LRFN5: variants seen among roughly 807,000 people sequenced by gnomAD.
LRFN5 encodes leucine rich repeat and fibronectin type III domain containing 5.
Under a neutral mutation model 45.6 loss-of-function variants are expected in LRFN5, and 24 were observed. The ratio of observed to expected loss-of-function variants is 0.53; its 90% CI spans 0.38 to 0.74. The LOEUF (loss-of-function observed/expected upper bound fraction) is 0.74. Among genes scored for constraint, LRFN5 ranks in the 30% least tolerant of loss-of-function variants. The pLI is 0.00. For missense variants in LRFN5, 776 were observed against 861.5 expected (o/e 0.90, Z 1.24); for synonymous variants, 340 against 313.8 (o/e 1.08, Z -0.88).
chr14:41,690,823 A>C (rs1882347399), intron 1 of LRFN5, among the ~76,000 whole-genome samples: 1 of 152,090 alleles, frequency 6.6e-6, no homozygotes, highest in Non-Finnish European at 1.5e-5. Flanking sequence ...AGACATTCAG[A>C]TTGTTTATTT....
intron 1 of LRFN5, among the ~76,000 whole-genome samples, chr14:41,754,443 G>A (rs1337655292): frequency 2.0e-5 from 3 of 152,084 alleles, no homozygotes; most frequent in Admixed American, 6.6e-5. Context: ...CAATTTCAGA[G>A]CTTGTTATTG....
At chr14:41,633,401 T>C (rs1374509049) in intron 1 of LRFN5, among the ~76,000 whole-genome samples, 1 of 152,154 alleles carries the variant, frequency 6.6e-6, no homozygotes, top group East Asian at 1.9e-4. Flanking sequence ...TTTAAATAAT[T>C]AATATGCATT....
chr14:41,750,803 C>T (rs1885099043), intron 1 of LRFN5, among the ~76,000 whole-genome samples: 1 of 152,080 alleles, frequency 6.6e-6, no homozygotes, highest in Non-Finnish European at 1.5e-5. Flanking sequence ...GAAGAGAGCA[C>T]ACAGGGGAAA....
intron 1 of LRFN5, among the ~76,000 whole-genome samples, chr14:41,668,287 T>A (rs1881001628): frequency 6.6e-6 from 1 of 152,160 alleles, no homozygotes; most frequent in East Asian, 1.9e-4. Flanking sequence ...GCCTCTTTTA[T>A]ATTTATTTTT....
At chr14:41,629,455 A>G (rs981175962) in intron 1 of LRFN5, among the ~76,000 whole-genome samples, 1 of 152,206 alleles carries the variant, frequency 6.6e-6, no homozygotes, top group African/African-American at 2.4e-5. Context: ...ACACTAAGAT[A>G]TTCAAAGTTT....
chr14:41,687,731 A>G (rs1376152458), intron 1 of LRFN5, among the ~76,000 whole-genome samples: 3 of 152,114 alleles, frequency 2.0e-5, no homozygotes, highest in African/African-American at 7.2e-5. Flanking sequence ...GCAAACTAAC[A>G]AAGGAACAGA....
At position 41,744,312 on chromosome 14, in the gene LRFN5, G is replaced by A. The variant is rs112113999; in HGVS notation, c.-196-22542G>A. On this transcript the variant is annotated intron_variant, in intron 1 of 5. Coordinates refer to ENST00000298119, the MANE Select transcript of LRFN5 (RefSeq NM_152447.5). ...GTTGAAGCTGCAGAGAGCTGGTATC[G>A]TGCCACTTCACTCCCAGCCCGGGTG... 5.7e-4 allele frequency among the ~76,000 whole-genome samples: 87 copies of A among 152,116 alleles called. 1 individual carries two copies. Among genetic ancestry groups the A allele is most frequent in the Middle Eastern group, 6.8e-3 (2 of 294 alleles).
At chr14:41,857,974 C>G (rs996759836) in intron 2 of LRFN5, among the ~76,000 whole-genome samples, 1 of 152,066 alleles carries the variant, frequency 6.6e-6, no homozygotes, top group East Asian at 1.9e-4. Flanking sequence ...AGAGTTCCAA[C>G]AGGGAATGTT....
intron 1 of LRFN5, among the ~76,000 whole-genome samples, chr14:41,642,361 T>C (rs1051240676): frequency 6.6e-6 from 1 of 152,194 alleles, no homozygotes; most frequent in Non-Finnish European, 1.5e-5. Context: ...ATCATTCCTT[T>C]GCACCTCAGC....
intron 1 of LRFN5, among the ~76,000 whole-genome samples, chr14:41,710,399 C>A (rs1294871571): frequency 1.3e-5 from 2 of 151,952 alleles, no homozygotes; most frequent in Admixed American, 1.3e-4. Context: ...TTTTCTTAAT[C>A]TTTTTTGAAA....
At chr14:41,671,617 G>GGTTTTTTTTTTTTT (rs1881224166) in intron 1 of LRFN5, among the ~76,000 whole-genome samples, 1 of 78,020 alleles carries the variant, frequency 1.3e-5, no homozygotes, top group Non-Finnish European at 2.3e-5. Flanking sequence ...TTTTTTTTTC[G>GGTTTTTTTTTTTTT]TTTTTTTTTT....
chr14:41,757,355 G>A (rs1244479696), intron 1 of LRFN5, among the ~76,000 whole-genome samples: 2 of 152,224 alleles, frequency 1.3e-5, no homozygotes, highest in Non-Finnish European at 2.9e-5. Context: ...GCCCCCAGAG[G>A]TGAAGTCTAC....
chr14:41,631,631 T>C (rs753803502), intron 1 of LRFN5, among the ~76,000 whole-genome samples: 1 of 152,190 alleles, frequency 6.6e-6, no homozygotes, highest in African/African-American at 2.4e-5. Context: ...AGGGCTGATA[T>C]TTTATTGAAA....
intron 1 of LRFN5, among the ~76,000 whole-genome samples, chr14:41,685,703 A>C (rs905874442): frequency 6.6e-6 from 1 of 152,102 alleles, no homozygotes; most frequent in Non-Finnish European, 1.5e-5. Context: ...TTTTTCCAGC[A>C]CCATTTACTG....
Position 41,608,354 on chromosome 14 carries a change from C to T in LRFN5, c.-405C>T, listed in dbSNP as rs958533458. 2.6e-5 allele frequency: 4 copies of T among 152,802 alleles called. No homozygotes were observed. Among genetic ancestry groups the T allele is most frequent in the Non-Finnish European group, 5.9e-5 (4 of 68,160 alleles). 9.5% of individuals were successfully genotyped at this position (152,802 alleles called of 1,614,324 possible). A position where few individuals can be genotyped will look rare whatever the true frequency, so the allele number is the denominator to read the frequency against. On this transcript the variant is annotated 5_prime_UTR_variant, in exon 1 of 6. Coordinates refer to ENST00000298119, the MANE Select transcript of LRFN5 (RefSeq NM_152447.5). Reference sequence around the variant, plus strand: ...CATGGGGCGATTGCAGCGATTCCCCCACCCAGAGCGACCTGCGGGCAGCGG... The same window carrying T: ...CATGGGGCGATTGCAGCGATTCCCCTACCCAGAGCGACCTGCGGGCAGCGG...
intron 2 of LRFN5, among the ~76,000 whole-genome samples, chr14:41,847,317 C>T (rs138249352): frequency 8.0e-4 from 122 of 152,114 alleles, no homozygotes; most frequent in Admixed American, 1.7e-3. Context: ...TAATAGTATG[C>T]ATTAGTATAG....
chr14:41,679,614 G>A (rs759241184), intron 1 of LRFN5, among the ~76,000 whole-genome samples: 2 of 152,112 alleles, frequency 1.3e-5, no homozygotes, highest in Non-Finnish European at 2.9e-5. Flanking sequence ...TGGTACCCAG[G>A]TAGTGCTTGT....
At position 41,622,603 on chromosome 14, in the gene LRFN5, T is replaced by C. The variant is rs182260444; in HGVS notation, c.-197+14041T>C. Reference sequence around the variant, plus strand: ...AAAAGAAGTTTACAAATAAACAAGCTACAAGGTTGTGGAAATATAATCATC... The same window carrying C: ...AAAAGAAGTTTACAAATAAACAAGCCACAAGGTTGTGGAAATATAATCATC... On this transcript the variant is annotated intron_variant, in intron 1 of 5. Coordinates refer to ENST00000298119, the MANE Select transcript of LRFN5 (RefSeq NM_152447.5). Among the ~76,000 whole-genome samples, 316 of 152,226 alleles carry C rather than the reference T, an allele frequency of 2.1e-3. 2 individuals carry two copies. The East Asian group carries it at 0.033, about 16-fold the overall frequency.
chr14:41,879,513 C>T (rs536989714), intron 2 of LRFN5, among the ~76,000 whole-genome samples: 6 of 151,448 alleles, frequency 4.0e-5, no homozygotes, highest in African/African-American at 1.4e-4. Flanking sequence ...ATTTTTCTCT[C>T]TTTCTATATA....
Sources: allele counts gnomAD v4.1 joint callset (sites outside exome capture counted in the v4.1 genomes callset), GRCh38; gene constraint gnomAD v4.1.1; transcripts MANE v1.5; gene names NCBI Gene and HGNC (gene_info 2026-07-23, HGNC 2026-07-21).